The following GRIN3A variants were observed in gnomAD, a reference collection of about 807,000 sequenced individuals.
GRIN3A encodes the protein glutamate ionotropic receptor NMDA type subunit 3A.
A neutral mutation model predicts 92.4 loss-of-function variants in GRIN3A; 47 were observed. The ratio of observed to expected loss-of-function variants is 0.51; its 90% CI spans 0.40 to 0.65. The LOEUF is 0.65. Ranked by LOEUF, GRIN3A falls within the 30% of genes least tolerant of loss-of-function variation. GRIN3A has a pLI of 0.00. For synonymous variants in GRIN3A, 527 were observed against 540.6 expected, an observed-to-expected ratio of 0.97 and a Z score of 0.35; for missense variants, 1,324 against 1,393.1, an observed-to-expected ratio of 0.95 and a Z score of 0.79.
chr9:101,718,394 G>T (rs1291996761), intron 1 of GRIN3A, among the ~76,000 whole-genome samples: 1 of 152,174 alleles, frequency 6.6e-6, no homozygotes, highest in African/African-American at 2.4e-5. Flanking sequence ...AGGGAAAATG[G>T]TATGCCAAGC....
chr9:101,679,005 G>GA (rs1273671306), intron 2 of GRIN3A, among the ~76,000 whole-genome samples: 1 of 152,162 alleles, frequency 6.6e-6, no homozygotes, highest in African/African-American at 2.4e-5. Context: ...GTCACACTGT[G>GA]AAACATCACA....
At chr9:101,639,423 A>G (rs946096382) in intron 3 of GRIN3A, among the ~76,000 whole-genome samples, 14 of 152,080 alleles carry the variant, frequency 9.2e-5, no homozygotes, top group African/African-American at 3.4e-4. Context: ...GACTTGCTAT[A>G]CAGCCAAACT....
intron 3 of GRIN3A, among the ~76,000 whole-genome samples, chr9:101,657,771 T>G (rs1829108870): frequency 7.6e-6 from 1 of 131,298 alleles, no homozygotes; most frequent in Admixed American, 8.0e-5. Context: ...CAACTTCTTC[T>G]TTTTAGTTTA....
intron 1 of GRIN3A, among the ~76,000 whole-genome samples, chr9:101,730,461 A>G (rs1475608172): frequency 2.0e-5 from 3 of 152,164 alleles, no homozygotes; most frequent in Non-Finnish European, 2.9e-5. Context: ...CTCACCATAA[A>G]CTTATAAGAT....
chr9:101,614,904 C>G (rs1304355560), intron 5 of GRIN3A, among the ~76,000 whole-genome samples: 1 of 151,734 alleles, frequency 6.6e-6, no homozygotes, highest in African/African-American at 2.4e-5. Flanking sequence ...CAGGTATGAG[C>G]CACGTGCCCA....
chr9:101,679,490 G>A (rs4742823), intron 2 of GRIN3A, among the ~76,000 whole-genome samples: 61,463 of 151,870 alleles, frequency 0.4, 13,253 homozygotes, highest in East Asian at 0.61. Flanking sequence ...AGTGACTTAG[G>A]GAAAATTTTA....
At chr9:101,588,797 T>C (rs1400342755) in intron 6 of GRIN3A, among the ~76,000 whole-genome samples, 2 of 150,308 alleles carry the variant, frequency 1.3e-5, no homozygotes, top group African/African-American at 4.9e-5. Flanking sequence ...TTTCTAAAAA[T>C]ATTATTTTCT....
chr9:101,714,780 A>G (rs544833251), intron 1 of GRIN3A, among the ~76,000 whole-genome samples: 6 of 152,312 alleles, frequency 3.9e-5, no homozygotes, highest in South Asian at 2.1e-4. Context: ...GACAAAATCA[A>G]TGCAAATGAA....
chr9:101,611,113 A>C (rs1004540162), intron 6 of GRIN3A, among the ~76,000 whole-genome samples: 1 of 149,238 alleles, frequency 6.7e-6, no homozygotes, highest in Non-Finnish European at 1.5e-5. Flanking sequence ...AAAAAAAAAA[A>C]CCAACCAACC....
rs550733476 is a variant in GRIN3A at position 101,637,362 on chromosome 9, G to A, written c.2353-8961C>T. 3.9e-5 allele frequency among the ~76,000 whole-genome samples: 6 copies of A among 152,264 alleles called. No individual in the cohort carries two copies. The South Asian group carries it at 8.3e-4, about 21-fold the overall frequency. The stretch of plus-strand genomic sequence containing the variant: ...CCCGCCTCGGCTTCCCAAAGCACTG[G>A]ACATTTTAACATTTCTTTTTTCCAC... On this transcript the variant is annotated intron_variant, in intron 3 of 8. Coordinates refer to ENST00000361820, the MANE Select transcript of GRIN3A (RefSeq NM_133445.3).
chr9:101,711,337 C>T (rs1295263036), intron 1 of GRIN3A, among the ~76,000 whole-genome samples: 3 of 152,174 alleles, frequency 2.0e-5, no homozygotes, highest in Admixed American at 2.0e-4. Flanking sequence ...ATGATTCACA[C>T]ATCCCGATAG....
At chr9:101,665,177 G>A (rs1588273102) in intron 3 of GRIN3A, among the ~76,000 whole-genome samples, 3 of 151,906 alleles carry the variant, frequency 2.0e-5, no homozygotes, top group South Asian at 4.1e-4. Flanking sequence ...ATAGTAGATA[G>A]AACTTTGGGG....
intron 6 of GRIN3A, among the ~76,000 whole-genome samples, chr9:101,582,011 G>T (rs1385516017): frequency 1.3e-5 from 2 of 152,158 alleles, no homozygotes; most frequent in African/African-American, 2.4e-5. Flanking sequence ...CTTGTCCAAG[G>T]TCACATAGCT....
chr9:101,729,049 A>G (rs959685602), intron 1 of GRIN3A, among the ~76,000 whole-genome samples: 22 of 152,166 alleles, frequency 1.4e-4, no homozygotes, highest in African/African-American at 4.6e-4. Context: ...AGAATCCCCA[A>G]ATACCAACTG....
intron 2 of GRIN3A, among the ~76,000 whole-genome samples, chr9:101,683,798 T>C (rs1336988574): frequency 6.7e-6 from 1 of 149,684 alleles, no homozygotes. Context: ...AGGGCAGAGG[T>C]TATATACTAA....
chr9:101,736,662 C>G (rs1450569076), intron 1 of GRIN3A, among the ~76,000 whole-genome samples: 1 of 152,164 alleles, frequency 6.6e-6, no homozygotes, highest in Non-Finnish European at 1.5e-5. Flanking sequence ...CTAATGCTTT[C>G]CAATATCCGA....
At chr9:101,689,145 T>C (rs1829579043) in intron 1 of GRIN3A, among the ~76,000 whole-genome samples, 1 of 152,182 alleles carries the variant, frequency 6.6e-6, no homozygotes, top group South Asian at 2.1e-4. Context: ...TCTGTCTTAA[T>C]CCTCTTTTAG....
chr9:101,721,450 G>A (rs1050466406), intron 1 of GRIN3A, among the ~76,000 whole-genome samples: 7 of 152,144 alleles, frequency 4.6e-5, no homozygotes, highest in African/African-American at 1.7e-4. Flanking sequence ...CAGTAGAGTG[G>A]GGCGTTGCTG....
rs1250973670 is a variant in GRIN3A at position 101,572,229 on chromosome 9, G to T, written c.*945C>A. 2.6e-5 allele frequency: 4 copies of T among 152,720 alleles called. No individual in the cohort carries two copies. Among genetic ancestry groups the T allele is most frequent in the Admixed American group, 2.6e-4 (4 of 15,278 alleles). The allele number at this position is 152,720 out of a possible 1,614,324, so 9.5% of individuals were successfully genotyped here. On this transcript the variant is annotated 3_prime_UTR_variant, in exon 9 of 9. Transcript: ENST00000361820. ...ACTGCTGATCTGAAAATGGCCTAGT[G>T]TGTGGTGTGTAGAACATTTCACCCA...
Sources: gnomAD v4.1 joint callset for allele counts (sites outside exome capture counted in the v4.1 genomes callset) on GRCh38, gnomAD v4.1.1 for gene constraint, MANE v1.5 for transcripts, NCBI Gene and HGNC (gene_info 2026-07-23, HGNC 2026-07-21) for gene names.